The following PHF20 variants were observed in gnomAD, a reference collection of about 807,000 sequenced individuals.
PHF20 encodes the protein PHD finger protein 20.
In PHF20, 23 loss-of-function variants were observed where a neutral mutation model predicts 113.5. The observed-to-expected ratio is 0.20, with a 90% CI of 0.15 to 0.29. The LOEUF (loss-of-function observed/expected upper bound fraction) is 0.29, where lower values mean the gene tolerates loss of function less well. Ranked by LOEUF, PHF20 falls within the 10% of genes least tolerant of loss-of-function variation. The pLI is 1.00. For synonymous variants in PHF20, 434 were observed against 457.3 expected, an observed-to-expected ratio of 0.95 and a Z score of 0.65; for missense variants, 943 against 1,219.6, an observed-to-expected ratio of 0.77 and a Z score of 3.38.
At chr20:35,919,563 C>T (rs923286024) in intron 13 of PHF20, among the ~76,000 whole-genome samples, 2 of 152,086 alleles carry the variant, frequency 1.3e-5, no homozygotes, top group Non-Finnish European at 2.9e-5. Context: ...TGGTCTTGAA[C>T]TCTTGACCTT....
At position 35,801,577 on chromosome 20, in the gene PHF20, T is replaced by C. The variant is rs997217919; in HGVS notation, c.55T>C (p.Leu19=). The change falls in exon 2 of 18, where the codon TTG becomes CTG. Residue 19 remains leucine, a synonymous_variant. Transcript: ENST00000374012. ...RGISFEVGAQ[L]EARDRLKNWY... is the part of the protein sequence containing the mutation. ...AATCAGCTTTGAAGTGGGAGCCCAG[T>C]TGGAAGCCCGGGACCGTTTAAAAAA... The C allele has an allele frequency of 3.7e-6, 6 of 1,613,528 alleles. No homozygotes were observed. The highest frequency in any genetic ancestry group is 1.3e-5 in the African/African-American group (1 of 74,912).
intron 1 of PHF20, among the ~76,000 whole-genome samples, chr20:35,780,245 G>GTTA (rs2041261960): frequency 2.2e-4 from 30 of 134,382 alleles, no homozygotes; most frequent in South Asian, 7.3e-4. Context: ...TTTTTTTTTG[G>GTTA]GACGGAGTCT....
chr20:35,777,268 C>T (rs896416484), intron 1 of PHF20, among the ~76,000 whole-genome samples: 13 of 152,162 alleles, frequency 8.5e-5, no homozygotes, highest in Non-Finnish European at 1.6e-4. Flanking sequence ...TCATTTCCTC[C>T]ATACCACAGC....
intron 1 of PHF20, among the ~76,000 whole-genome samples, chr20:35,772,774 T>C (rs929667198): frequency 6.6e-6 from 1 of 152,266 alleles, no homozygotes; most frequent in East Asian, 1.9e-4. Context: ...GTTCACCCTG[T>C]TATCGGGTCC....
intron 1 of PHF20, among the ~76,000 whole-genome samples, chr20:35,778,542 G>A (rs1416605752): frequency 2.0e-5 from 3 of 152,012 alleles, no homozygotes; most frequent in Admixed American, 1.3e-4. Context: ...CTGAAGTCAG[G>A]AGTTCAAGAC....
At chr20:35,780,477 C>T (rs1300105324) in intron 1 of PHF20, among the ~76,000 whole-genome samples, 3 of 151,708 alleles carry the variant, frequency 2.0e-5, no homozygotes, top group Admixed American at 1.3e-4. Context: ...CCATCCGCCT[C>T]GGCCTCCCAA....
intron 13 of PHF20, among the ~76,000 whole-genome samples, chr20:35,918,564 C>G (rs921666177): frequency 2.0e-5 from 3 of 152,132 alleles, no homozygotes; most frequent in African/African-American, 7.2e-5. Context: ...CACCTTTGGC[C>G]TCGCCCCAAT....
Position 35,801,495 on chromosome 20 carries a change from A to G in PHF20, c.-28A>G, listed in dbSNP as rs1027226247. 1.9e-6 allele frequency: 3 copies of G among 1,561,978 alleles called. No individual in the cohort carries two copies. The highest frequency in any genetic ancestry group is 2.7e-5 in the African/African-American group (2 of 73,730). ...ATATTTAATTGGCTTTTTCAGGAGA[A>G]TAAAGGCAGCCCCGTTGATGACTGA... is the stretch of plus-strand genomic sequence containing the variant. On this transcript the variant is annotated 5_prime_UTR_variant, in exon 2 of 18. Transcript: ENST00000374012.
chr20:35,855,279 C>G (rs2042805924), intron 4 of PHF20: 1 of 1,336,968 alleles, frequency 7.5e-7, no homozygotes, highest in Non-Finnish European at 9.9e-7. Flanking sequence ...AAACAGGAAC[C>G]CAGACCTTTG....
chr20:35,772,180 C>G (rs1392424642), intron 1 of PHF20, 101 bp downstream of exon 1: 2 of 150,732 alleles, frequency 1.3e-5, no homozygotes, highest in African/African-American at 4.8e-5. Flanking sequence ...GACGCCACCG[C>G]TGCTTCGGTC....
At chr20:35,890,307 G>A (rs1418600899) in intron 9 of PHF20, among the ~76,000 whole-genome samples, 1 of 152,198 alleles carries the variant, frequency 6.6e-6, no homozygotes, top group Non-Finnish European at 1.5e-5. Context: ...TGGAATTACA[G>A]GCACGAGCCA....
intron 14 of PHF20, among the ~76,000 whole-genome samples, chr20:35,928,943 A>T (rs2055697936): frequency 6.6e-6 from 1 of 152,100 alleles, no homozygotes; most frequent in Admixed American, 6.6e-5. Context: ...GTGGCTCTTG[A>T]TTGCTCCTTT....
At chr20:35,846,871 T>C (rs564025655) in intron 3 of PHF20, among the ~76,000 whole-genome samples, 1 of 152,304 alleles carries the variant, frequency 6.6e-6, no homozygotes, top group South Asian at 2.1e-4. Flanking sequence ...TTCTGCAGGC[T>C]GGGAAGTTCA....
At chr20:35,881,550 A>AT (rs1568699781) in intron 9 of PHF20, among the ~76,000 whole-genome samples, 1 of 151,644 alleles carries the variant, frequency 6.6e-6, no homozygotes, top group African/African-American at 2.4e-5. Flanking sequence ...AAAAAAAAAA[A>AT]AAAAAAGAAA....
At chr20:35,871,906 T>A (rs978442584) in intron 9 of PHF20, 77 bp downstream of exon 9, 8 of 897,224 alleles carry the variant, frequency 8.9e-6, no homozygotes, top group Middle Eastern at 3.7e-4. Context: ...AAAAAAAAAA[T>A]GACTTTTCTG....
At chr20:35,917,383 T>C in intron 12 of PHF20, 101 bp from the exon 13 acceptor site, 1 of 1,017,550 alleles carries the variant, frequency 9.8e-7, no homozygotes, top group South Asian at 1.4e-5. Context: ...TGTTCTTGTT[T>C]GGAGGTATGG....
intron 2 of PHF20, among the ~76,000 whole-genome samples, chr20:35,825,626 A>G (rs866744783): frequency 6.6e-5 from 10 of 152,186 alleles, no homozygotes; most frequent in Non-Finnish European, 1.2e-4. Flanking sequence ...AGAAGAGTGC[A>G]AAATTGCTAC....
intron 10 of PHF20, 104 bp downstream of exon 10, chr20:35,899,752 G>C: frequency 8.2e-7 from 1 of 1,226,422 alleles, no homozygotes. Context: ...GTCTGTTCCA[G>C]TTGAATCCCA....
chr20:35,799,561 G>C (rs935228515), intron 1 of PHF20, among the ~76,000 whole-genome samples: 11 of 152,102 alleles, frequency 7.2e-5, no homozygotes, highest in African/African-American at 2.7e-4. Flanking sequence ...TGCCCTTAGA[G>C]TTCAGAGTGG....
Sources: gnomAD v4.1 joint callset for allele counts (sites outside exome capture counted in the v4.1 genomes callset) on GRCh38, gnomAD v4.1.1 for gene constraint, MANE v1.5 for transcripts, NCBI Gene and HGNC (gene_info 2026-07-23, HGNC 2026-07-21) for gene names.